The following CTNND2 variants were observed in gnomAD, a reference collection of about 807,000 sequenced individuals.
CTNND2 encodes catenin delta 2, also known as catenin delta-2.
Under a neutral mutation model 144.4 loss-of-function variants are expected in CTNND2, and 22 were observed. The observed-to-expected ratio is 0.15, with a 90% confidence interval of 0.11 to 0.22. The LOEUF is 0.22. CTNND2 is among the 10% of genes least tolerant of loss of function. The probability of loss-of-function intolerance (pLI) is 1.00; values close to 1 mark genes in which losing one functional copy is unlikely to be tolerated. For missense variants in CTNND2, 1,353 were observed against 1,618.8 expected, an observed-to-expected ratio of 0.84 and a Z score of 2.82; for synonymous variants, 751 against 695.6, an observed-to-expected ratio of 1.08 and a Z score of -1.25.
At chr5:11,021,344 A>G (rs1482929723) in intron 17 of CTNND2, among the ~76,000 whole-genome samples, 1 of 152,166 alleles carries the variant, frequency 6.6e-6, no homozygotes, top group Non-Finnish European at 1.5e-5. Context: ...TTTGCAGACT[A>G]CGGTTTTATT....
intron 6 of CTNND2, among the ~76,000 whole-genome samples, chr5:11,389,186 A>G (rs1314780313): frequency 6.6e-6 from 1 of 152,178 alleles, no homozygotes; most frequent in Non-Finnish European, 1.5e-5. Context: ...CTCGAGGGCA[A>G]CTTTATTTGT....
At chr5:11,280,877 T>G (rs1271415807) in intron 9 of CTNND2, among the ~76,000 whole-genome samples, 8 of 152,096 alleles carry the variant, frequency 5.3e-5, no homozygotes. Flanking sequence ...TCCTCAGCTG[T>G]GTGTCCTTCA....
chr5:11,154,763 C>T (rs1210638362), intron 12 of CTNND2, among the ~76,000 whole-genome samples: 2 of 152,170 alleles, frequency 1.3e-5, no homozygotes, highest in African/African-American at 2.4e-5. Flanking sequence ...CCAGCAGGGC[C>T]GTGCTCTCTC....
chr5:11,696,513 G>A (rs56328655), intron 2 of CTNND2, among the ~76,000 whole-genome samples: 13,837 of 152,144 alleles, frequency 0.091, 2,077 homozygotes, highest in African/African-American at 0.31. Context: ...CCAGAGGAGG[G>A]CTACCCTAAA....
intron 1 of CTNND2, among the ~76,000 whole-genome samples, chr5:11,812,001 C>T (rs1230621030): frequency 6.6e-6 from 1 of 152,162 alleles, no homozygotes; most frequent in African/African-American, 2.4e-5. Context: ...AAGCATACTG[C>T]CACTGTAACA....
intron 10 of CTNND2, among the ~76,000 whole-genome samples, chr5:11,214,609 A>G (rs977262718): frequency 1.3e-5 from 2 of 152,322 alleles, no homozygotes; most frequent in East Asian, 3.9e-4. Context: ...GATCATGTTG[A>G]TCACTGCTCA....
intron 11 of CTNND2, among the ~76,000 whole-genome samples, chr5:11,165,584 C>G (rs1759238816): frequency 6.6e-6 from 1 of 152,146 alleles, no homozygotes. Flanking sequence ...TTTATTATTT[C>G]CATCCAATAG....
intron 3 of CTNND2, among the ~76,000 whole-genome samples, chr5:11,470,559 A>C (rs1003894794): frequency 6.6e-6 from 1 of 152,218 alleles, no homozygotes; most frequent in South Asian, 2.1e-4. Flanking sequence ...CAAGAATATG[A>C]TCACTGACTA....
intron 16 of CTNND2, among the ~76,000 whole-genome samples, chr5:11,063,923 A>G (rs765163162): frequency 1.3e-5 from 2 of 152,132 alleles, no homozygotes; most frequent in African/African-American, 4.8e-5. Flanking sequence ...AATTCTATCA[A>G]TACGCTGACA....
At chr5:11,156,701 T>C (rs1295372643) in intron 12 of CTNND2, among the ~76,000 whole-genome samples, 3 of 142,928 alleles carry the variant, frequency 2.1e-5, no homozygotes, top group Non-Finnish European at 3.0e-5. Flanking sequence ...ACAGTTCTAG[T>C]TGTCTACATG....
intron 1 of CTNND2, among the ~76,000 whole-genome samples, chr5:11,870,329 C>T (rs997193825): frequency 6.6e-6 from 1 of 152,164 alleles, no homozygotes; most frequent in Non-Finnish European, 1.5e-5. Context: ...GGACAGCCCA[C>T]AACAACAGTT....
intron 16 of CTNND2, among the ~76,000 whole-genome samples, chr5:11,065,029 C>T (rs1022469512): frequency 6.6e-6 from 1 of 152,196 alleles, no homozygotes; most frequent in Non-Finnish European, 1.5e-5. Context: ...GTCTAAGCTG[C>T]AGTTTTCCTG....
intron 3 of CTNND2, among the ~76,000 whole-genome samples, chr5:11,432,809 C>T (rs1330155485): frequency 6.6e-6 from 1 of 152,104 alleles, no homozygotes. Context: ...GAATATCTTA[C>T]GTTTCTCTAA....
At chr5:11,545,892 A>G (rs963476676) in intron 3 of CTNND2, among the ~76,000 whole-genome samples, 12 of 152,212 alleles carry the variant, frequency 7.9e-5, no homozygotes, top group African/African-American at 2.9e-4. Context: ...TCATTAAAGT[A>G]TAATTTATCC....
chr5:11,698,569 G>A (rs1333132740), intron 2 of CTNND2, among the ~76,000 whole-genome samples: 1 of 152,156 alleles, frequency 6.6e-6, no homozygotes, highest in Non-Finnish European at 1.5e-5. Context: ...TTACAGGTAT[G>A]AGCCACTGTG....
chr5:11,006,311 C>T (rs1466232209), intron 18 of CTNND2, among the ~76,000 whole-genome samples: 1 of 152,224 alleles, frequency 6.6e-6, no homozygotes, highest in Non-Finnish European at 1.5e-5. Flanking sequence ...GACCACATGT[C>T]CCAGCCTCTC....
At chr5:11,004,705 T>C (rs1374550770) in intron 18 of CTNND2, among the ~76,000 whole-genome samples, 4 of 150,026 alleles carry the variant, frequency 2.7e-5, no homozygotes. Flanking sequence ...TTTGCAGAGG[T>C]TGCAGTAAGC....
chr5:11,019,302 C>A (rs1046097359), intron 17 of CTNND2, among the ~76,000 whole-genome samples: 1 of 152,074 alleles, frequency 6.6e-6, no homozygotes, highest in African/African-American at 2.4e-5. Context: ...CGATGCTGAA[C>A]AAAGATTAAA....
chr5:11,644,787 T>C (rs765413400), intron 2 of CTNND2, among the ~76,000 whole-genome samples: 7 of 152,178 alleles, frequency 4.6e-5, no homozygotes, highest in East Asian at 1.9e-4. Flanking sequence ...GGTCATAAAA[T>C]TGAACAATTG....
Sources: allele counts gnomAD v4.1 joint callset (sites outside exome capture counted in the v4.1 genomes callset), GRCh38; gene constraint gnomAD v4.1.1; transcripts MANE v1.5; gene names NCBI Gene and HGNC (gene_info 2026-07-23, HGNC 2026-07-21).